The following CEBPZ variants were observed in gnomAD, a reference collection of about 807,000 sequenced individuals.
The protein encoded by CEBPZ is CCAAT/enhancer-binding protein zeta.
In CEBPZ, 78 loss-of-function variants were observed where a neutral mutation model predicts 104.5. The observed-to-expected ratio is 0.75, with a 90% CI of 0.62 to 0.90. The LOEUF is 0.90. Among genes scored for constraint, CEBPZ ranks in the 40% least tolerant of loss-of-function variants. The pLI is 0.00. For synonymous variants in CEBPZ, 470 were observed against 427.0 expected (o/e 1.10, Z -1.24); for missense variants, 1,439 against 1,233.5 (o/e 1.17, Z -2.50).
rs1237394968 is a variant in CEBPZ at position 37,211,962 on chromosome 2, C to T, written c.2681G>A (p.Gly894Asp). Residue 894 changes from glycine (G) to aspartate (D), a missense_variant, in exon 12 of 16, where the codon GGT (glycine) becomes GAT (aspartate). By Grantham distance (94) the Gly-to-Asp change is moderately conservative (BLOSUM62 -1). Coordinates refer to ENST00000234170, the MANE Select transcript of CEBPZ (RefSeq NM_005760.3). ...AGAAACTTCATCGTCATCCAGGTTA[C>T]CAAGTTCATCATCACTACCTTCTGA... Reference protein sequence around the residue: ...EDSEGSDDELGNLDDDEVSLG... With the variant: ...EDSEGSDDELDNLDDDEVSLG... 1.2e-6 allele frequency: 2 copies of T among 1,613,666 alleles called. No individual in the cohort carries two copies. The highest frequency in any genetic ancestry group is 1.7e-5 in the Admixed American group (1 of 59,916).
In CEBPZ at chr2:37,211,850, G is replaced by C; in HGVS notation, c.2793C>G (p.Ser931Arg). ...ATTTTAAAAAATGCTTACCTGGAACGCTCTCACTTTCATCATCTAACACAT... is the reference window on the plus strand; with the variant it reads ...ATTTTAAAAAATGCTTACCTGGAACCCTCTCACTTTCATCATCTAACACAT... ...FMDVLDDESESVPELEVHSKV... is the reference protein window; with the variant it reads ...FMDVLDDESERVPELEVHSKV... The change falls in exon 12 of 16, where the codon AGC (serine) becomes AGG (arginine). Residue 931 changes from serine (S) to arginine (R), a missense_variant. Coordinates refer to ENST00000234170, the MANE Select transcript of CEBPZ (RefSeq NM_005760.3). 9.4e-6 allele frequency: 15 copies of C among 1,592,834 alleles called. No homozygotes were observed. Among genetic ancestry groups the C allele is most frequent in the Non-Finnish European group, 1.3e-5 (15 of 1,171,802 alleles).
Position 37,220,331 on chromosome 2 carries a change from AT to A in CEBPZ, c.2154+53del, listed in dbSNP as rs1553351249. 3.3e-3 allele frequency: 1,113 copies of A among 334,884 alleles called. 3 individuals are homozygous for A. The highest frequency in any genetic ancestry group is 0.014 in the Middle Eastern group (13 of 920). The allele number at this position is 334,884 out of a possible 1,614,324, so 20.7% of individuals were successfully genotyped here. A position where few individuals can be genotyped will look rare whatever the true frequency, so the allele number is the denominator to read the frequency against. ...ACTCTGTCTCAAAAAAAAAAAAAAT[AT>A]ATATATATATATATAGCATAAATGA... On this transcript the variant is annotated intron_variant, in intron 5 of 15. Coordinates refer to ENST00000234170, the MANE Select transcript of CEBPZ (RefSeq NM_005760.3).
rs755814175 is a variant in CEBPZ, at chr2:37,228,744, T to G, written c.449A>C (p.Asp150Ala). Residue 150 changes from aspartate (D) to alanine (A), a missense_variant, in exon 2 of 16, where the codon GAT (aspartate) becomes GCT (alanine). By Grantham distance (126) the Asp-to-Ala change is moderately radical. Transcript: ENST00000234170. ...TTTCGGTGTGGTACTGCCATTCTCA[T>G]CAGAATGTGGTTCTGGCCTATTCTT... The part of the protein sequence containing the change: ...KNKNRPEPHS[D>A]ENGSTTPKVK... 9.9e-6 allele frequency: 16 copies of G among 1,614,114 alleles called. 1 individual carries two copies. The highest frequency in any genetic ancestry group is 3.3e-5 in the Admixed American group (2 of 60,014).
intron 9 of CEBPZ, 70 bp downstream of exon 9, chr2:37,214,816 A>T: frequency 2.2e-6 from 2 of 919,844 alleles, no homozygotes; most frequent in Admixed American, 2.0e-5. Flanking sequence ...CATAAAATGA[A>T]GCATTTTATG....
intron 13 of CEBPZ, among the ~76,000 whole-genome samples, chr2:37,207,440 T>G (rs560805131): frequency 6.6e-6 from 1 of 152,224 alleles, no homozygotes; most frequent in South Asian, 2.1e-4. Context: ...AAAACTGAAA[T>G]TGTATCAAGT....
intron 10 of CEBPZ, among the ~76,000 whole-genome samples, chr2:37,212,868 AAAAAAAAAAAC>A (rs1558471409): frequency 2.0e-5 from 2 of 99,848 alleles, no homozygotes; most frequent in Admixed American, 1.1e-4. Context: ...CAACAACAAC[AAAAAAAAAAAC>A]AAAAAAAAAA....
At position 37,228,138 on chromosome 2, in the gene CEBPZ, G is replaced by C. The variant is rs757649115; in HGVS notation, c.1055C>G (p.Thr352Ser). Reference sequence around the variant, plus strand: ...GGTTACTAATGTATCATGACTTAAAGTTTCTAAGACCTGCACAAATTCAGC... The same window carrying C: ...GGTTACTAATGTATCATGACTTAAACTTTCTAAGACCTGCACAAATTCAGC... Reference protein sequence around the residue: ...LVAEFVQVLETLSHDTLVTTK... With the variant: ...LVAEFVQVLESLSHDTLVTTK... The change falls in exon 2 of 16, where the codon ACT (threonine) becomes AGT (serine). Residue 352 changes from threonine (T) to serine (S), a missense_variant. Coordinates refer to ENST00000234170, the MANE Select transcript of CEBPZ (RefSeq NM_005760.3). 1.2e-6 allele frequency: 2 copies of C among 1,614,182 alleles called. No homozygotes were observed. The highest frequency in any genetic ancestry group is 1.7e-5 in the Admixed American group (1 of 60,024).
intron 4 of CEBPZ, among the ~76,000 whole-genome samples, chr2:37,221,198 C>A (rs72875743): frequency 0.022 from 3,375 of 152,134 alleles, 75 homozygotes; most frequent in African/African-American, 0.062. Flanking sequence ...AGCCTGTAGT[C>A]CCGGCTACCT....
Position 37,223,357 on chromosome 2 carries a change from A to C in CEBPZ, c.1694T>G (p.Met565Arg), listed in dbSNP as rs753383068. 1 of 1,614,082 alleles carries C rather than the reference A, an allele frequency of 6.2e-7. No individual in the cohort carries two copies. The highest frequency in any genetic ancestry group is 8.5e-7 in the Non-Finnish European group (1 of 1,180,026). The change falls in exon 3 of 16, where the codon ATG becomes AGG. Residue 565 changes from methionine (M) to arginine (R), a missense_variant. Physicochemically the swap from Met to Arg is moderately conservative, Grantham distance 91 (BLOSUM62 -1). Coordinates refer to ENST00000234170, the MANE Select transcript of CEBPZ (RefSeq NM_005760.3). ...PGLMTCSKQA[M>R]FLNLVYKSLK... ...AGATTTGTAGACAAGGTTAAGAAAC[A>C]TAGCTTGCTTGGAACACGTCATCAA...
intron 13 of CEBPZ, among the ~76,000 whole-genome samples, chr2:37,206,875 C>T (rs1229116695): frequency 2.0e-5 from 3 of 152,080 alleles, no homozygotes; most frequent in Non-Finnish European, 4.4e-5. Context: ...TACATTTGGA[C>T]CACCAACCAA....
chr2:37,216,395 C>A lies in CEBPZ; in HGVS notation c.2232G>T (p.Gly744=). 6.2e-7 allele frequency: 1 copy of A among 1,612,888 alleles called. No individual in the cohort carries two copies. Residue 744 remains glycine, a synonymous_variant, in exon 7 of 16, where the codon GGG becomes GGT. Coordinates refer to ENST00000234170, the MANE Select transcript of CEBPZ (RefSeq NM_005760.3). ...TTAGAGTGAAATCCTGCAGTGGGTC[C>A]CCTGAATACTGAATATAGTTTCCCT... ...ILQGNYIQYS[G]DPLQDFTLMR... is the part of the protein sequence containing the mutation.
Position 37,231,162 on chromosome 2 carries a change from G to A in CEBPZ, c.156+250C>T, listed in dbSNP as rs976755108. The A allele has an allele frequency of 1.4e-5, 9 of 664,800 alleles. No individual in the cohort carries two copies. The African/African-American group carries it at 1.4e-4, about 11-fold the overall frequency. The allele number at this position is 664,800 out of a possible 1,614,324, so 41.2% of individuals were successfully genotyped here. On this transcript the variant is annotated intron_variant, in intron 1 of 15. Transcript: ENST00000234170. ...CCTGATGGTGTGATGGTTATACCAC[G>A]TCAATAAAATCAGAAGATCGCCTAC...
At position 37,211,051 on chromosome 2, in the gene CEBPZ, C is replaced by G. The variant is rs1677705897; in HGVS notation, c.2832G>C (p.Lys944Asn). ...CATCTGTACCTTTTCTCTTGCTTTTCTTAGTACTGACTTTGGAGTGGACTT... is the reference window on the plus strand; with the variant it reads ...CATCTGTACCTTTTCTCTTGCTTTTGTTAGTACTGACTTTGGAGTGGACTT... ...ELEVHSKVST[K>N]KSKRKGTDDF... Residue 944 changes from lysine (K) to asparagine (N), a missense_variant, in exon 13 of 16, where the codon AAG (lysine) becomes AAC (asparagine). Physicochemically the swap from Lys to Asn is moderately conservative, Grantham distance 94 (BLOSUM62 0). Transcript: ENST00000234170. 6.2e-7 allele frequency: 1 copy of G among 1,611,992 alleles called. No individual in the cohort carries two copies. Among genetic ancestry groups the G allele is most frequent in the Non-Finnish European group, 8.5e-7 (1 of 1,179,410 alleles).
chr2:37,209,725 T>C (rs914653754), intron 13 of CEBPZ: 1 of 152,130 alleles, frequency 6.6e-6, no homozygotes, highest in Non-Finnish European at 1.5e-5. Flanking sequence ...AGACATTGGC[T>C]TAAGTAGAGT....
intron 8 of CEBPZ, among the ~76,000 whole-genome samples, 189 bp downstream of exon 8, chr2:37,215,951 T>TAA (rs201108820): frequency 0.014 from 1,542 of 111,482 alleles, 25 homozygotes; most frequent in African/African-American, 0.047. Flanking sequence ...GTAATAAAGT[T>TAA]AAAAAAAAAA....
At chr2:37,202,666 AAAAAAAAAAAAAAAAAAAAAAAAAAAG>A in intron 15 of CEBPZ, 91 bp downstream of exon 15, 2 of 33,260 alleles carry the variant, frequency 6.0e-5, no homozygotes, top group African/African-American at 2.0e-4. Flanking sequence ...AAAAAAAAAA[AAAAAAAAAAAAAAAAAAAAAAAAAAAG>A]AATAAATAAA....
chr2:37,203,112 C>T, intron 13 of CEBPZ, 104 bp from the exon 14 acceptor site: 1 of 704,948 alleles, frequency 1.4e-6, no homozygotes, highest in East Asian at 3.0e-5. Context: ...TGGGTAAAAA[C>T]AATTGCAATA....
At chr2:37,224,056 C>A (rs1664827670) in intron 2 of CEBPZ, among the ~76,000 whole-genome samples, 1 of 152,332 alleles carries the variant, frequency 6.6e-6, no homozygotes, top group Middle Eastern at 3.4e-3. Flanking sequence ...CATAGTTTCA[C>A]AAACTTGATT....
intron 15 of CEBPZ, chr2:37,202,402 TG>T (rs1677296789): frequency 5.9e-6 from 1 of 169,828 alleles, no homozygotes; most frequent in South Asian, 1.4e-4. Flanking sequence ...CTCAGCACTT[TG>T]GGAGGCCGAG....
Sources: allele counts gnomAD v4.1 joint callset (sites outside exome capture counted in the v4.1 genomes callset), GRCh38; gene constraint gnomAD v4.1.1; transcripts MANE v1.5; gene names NCBI Gene and HGNC (gene_info 2026-07-23, HGNC 2026-07-21).